Variants in ARSH observed in about 807,000 individuals in gnomAD.
ARSH encodes the protein arylsulfatase H.
ARSH carries 32 observed loss-of-function variants against 28.7 expected under a neutral mutation model. The ratio of observed to expected loss-of-function variants is 1.11; its 90% CI spans 0.84 to 1.50. The LOEUF (loss-of-function observed/expected upper bound fraction) is 1.50. Ranked by LOEUF, ARSH falls within the 40% of genes most tolerant of loss-of-function variation. The probability of loss-of-function intolerance (pLI) is 0.00; values close to 1 mark genes in which losing one functional copy is unlikely to be tolerated. For missense variants in ARSH, 440 were observed against 452.4 expected (o/e 0.97, Z 0.25); for synonymous variants, 176 against 177.3 (o/e 0.99, Z 0.06).
At chrX:3,020,469 G>A (rs1161429973) in intron 5 of ARSH, among the ~76,000 whole-genome samples, 3 of 104,123 alleles carry the variant, frequency 2.9e-5, no homozygotes, top group African/African-American at 7.0e-5. Flanking sequence ...GGCGCCTGTA[G>A]TCCCAGCTAC....
Position 3,033,773 on chromosome X carries a change from CATG to C in ARSH, c.*391_*393del, listed in dbSNP as rs2089921760. ...CAGGCATGCTAGCTTTCTAATAAATCATGATAAGTACTTAATTTTTTCATGAAG... is the reference window on the plus strand; with the variant it reads ...CAGGCATGCTAGCTTTCTAATAAATCATAAGTACTTAATTTTTTCATGAAG... On this transcript the variant is annotated 3_prime_UTR_variant, in exon 9 of 9. Coordinates refer to ENST00000381130, the MANE Select transcript of ARSH (RefSeq NM_001011719.2). 9.0e-6 allele frequency among the ~76,000 whole-genome samples: 1 copy of C among 111,182 alleles called. No individual in the cohort carries two copies. Among genetic ancestry groups the C allele is most frequent in the Non-Finnish European group, 1.9e-5 (1 of 53,126 alleles).
intron 1 of ARSH, among the ~76,000 whole-genome samples, chrX:3,009,456 G>A (rs2089840207): frequency 9.0e-6 from 1 of 110,595 alleles, no homozygotes; most frequent in Non-Finnish European, 1.9e-5. Flanking sequence ...GGGTAATAGA[G>A]TGAGACCACG....
chrX:3,011,116 G>A (rs1186822895), intron 2 of ARSH, among the ~76,000 whole-genome samples: 1 of 110,719 alleles, frequency 9.0e-6, no homozygotes, highest in Non-Finnish European at 1.9e-5. Flanking sequence ...AAATAGTTTG[G>A]TTTCTAGATA....
chrX:3,033,316 G>T lies in ARSH; in HGVS notation c.1620G>T (p.Gln540His), dbSNP rs2089920122. The T allele has an allele frequency of 4.1e-6, 5 of 1,210,100 alleles. No homozygotes were observed. The highest frequency in any genetic ancestry group is 5.6e-6 in the Non-Finnish European group (5 of 894,653). Residue 540 changes from glutamine to histidine, a missense_variant, in exon 9 of 9, where the codon CAG becomes CAT. Transcript: ENST00000381130. ...ACACAATTTGGAAACCATGGCTGCA[G>T]CCTTGCTGTGGGACCTTCCCCTTCT... ...VFNTIWKPWL[Q>H]PCCGTFPFCG... is the part of the protein sequence containing the mutation.
intron 2 of ARSH, 59 bp from the exon 3 acceptor site, chrX:3,012,988 G>A: frequency 8.6e-7 from 1 of 1,158,200 alleles, no homozygotes. Flanking sequence ...AAGCATGTCG[G>A]GATAAATTCG....
At chrX:3,030,148 G>A (rs1446508331) in intron 8 of ARSH, among the ~76,000 whole-genome samples, 1 of 111,430 alleles carries the variant, frequency 9.0e-6, no homozygotes, top group Non-Finnish European at 1.9e-5. Flanking sequence ...ACGGTGGGAA[G>A]CACCAGGGCT....
intron 2 of ARSH, among the ~76,000 whole-genome samples, chrX:3,011,455 G>A (rs1408973942): frequency 1.8e-5 from 2 of 110,758 alleles, no homozygotes; most frequent in Non-Finnish European, 3.8e-5. Context: ...CACCATGTTG[G>A]CCAGGCTGGT....
intron 5 of ARSH, among the ~76,000 whole-genome samples, chrX:3,023,140 T>C (rs1039169233): frequency 3.8e-5 from 4 of 104,643 alleles, no homozygotes; most frequent in Admixed American, 3.2e-4. Context: ...TTAATATAAT[T>C]AATGTATCTA....
Position 3,015,188 on chromosome X carries a change from G to A in ARSH, c.559G>A (p.Ala187Thr). The change falls in exon 4 of 9, where the codon GCC becomes ACC. Residue 187 changes from alanine to threonine, a missense_variant. Physicochemically the swap from Ala to Thr is moderately conservative, Grantham distance 58. Coordinates refer to ENST00000381130, the MANE Select transcript of ARSH (RefSeq NM_001011719.2). ...TTTTCTGCTTCTCATTCCCAAGTTC[G>A]CCCGCTGGTTCTCAGTGCCATGGAA... ...VPFLLLIPKF[A>T]RWFSVPWKVI... 4 of 1,209,331 alleles carry A rather than the reference G, an allele frequency of 3.3e-6. No individual in the cohort carries two copies. The highest frequency in any genetic ancestry group is 1.8e-5 in the South Asian group (1 of 56,518).
At chrX:3,011,145 C>T (rs1464497382) in intron 2 of ARSH, among the ~76,000 whole-genome samples, 1 of 110,828 alleles carries the variant, frequency 9.0e-6, no homozygotes, top group Non-Finnish European at 1.9e-5. Context: ...CTATATAACA[C>T]AGTACCGTGT....
At position 3,027,348 on chromosome X, in the gene ARSH, C is replaced by T. The variant is rs146832237; in HGVS notation, c.1072C>T (p.Arg358Cys). ...AATGGGAGGATGGGAAGGAGGTATC[C>T]GTGTGCCAGGGATATTCCGGTGGCC... ...KGMGGWEGGI[R>C]VPGIFRWPSV... Residue 358 changes from arginine (R) to cysteine (C), a missense_variant, in exon 7 of 9, where the codon CGT (arginine) becomes TGT (cysteine). Coordinates refer to ENST00000381130, the MANE Select transcript of ARSH (RefSeq NM_001011719.2). 4,016 of 1,209,331 alleles carry T rather than the reference C, an allele frequency of 3.3e-3. 6 individuals are homozygous for T. Among genetic ancestry groups the T allele is most frequent in the Non-Finnish European group, 3.6e-3 (3,251 of 895,037 alleles).
intron 5 of ARSH, among the ~76,000 whole-genome samples, chrX:3,021,731 C>G (rs2089884754): frequency 1.1e-5 from 1 of 92,693 alleles, no homozygotes; most frequent in Non-Finnish European, 2.1e-5. Flanking sequence ...TTTTAAGACA[C>G]AGGGTCTCAC....
In ARSH at chrX:3,006,625, G is replaced by A. The variant is rs1481449790; in HGVS notation, c.13G>A (p.Ala5Thr). The A allele has an allele frequency of 8.3e-7, 1 of 1,208,839 alleles. No individual in the cohort carries two copies. The highest frequency in any genetic ancestry group is 1.1e-6 in the Non-Finnish European group (1 of 894,662). Residue 5 changes from alanine (A) to threonine (T), a missense_variant, in exon 1 of 9, where the codon GCC becomes ACC. Coordinates refer to ENST00000381130, the MANE Select transcript of ARSH (RefSeq NM_001011719.2). MTRN[A>T]RPNIVLLMAD... ...TGATGGCACATTTATGACAAGAAAC[G>A]CCAGACCCAACATTGTCCTGCTGAT...
intron 4 of ARSH, among the ~76,000 whole-genome samples, chrX:3,018,026 G>T (rs2089870638): frequency 2.7e-5 from 3 of 112,351 alleles, no homozygotes; most frequent in Admixed American, 1.9e-4. Context: ...TTAAGACAGG[G>T]TCTCACTGCG....
In ARSH at chrX:3,021,639, G is replaced by A. The variant is rs144548762; in HGVS notation, c.902-2382G>A. 6.2e-3 allele frequency among the ~76,000 whole-genome samples: 686 copies of A among 109,887 alleles called. 6 individuals are homozygous for A. Among genetic ancestry groups the A allele is most frequent in the African/African-American group, 0.022 (654 of 30,264 alleles). ...TGCAAAATGAACTTAATGAATCTTC[G>A]GGAATTCAGTAACATTTTAAACTTT... On this transcript the variant is annotated intron_variant, in intron 5 of 8. Coordinates refer to ENST00000381130, the MANE Select transcript of ARSH (RefSeq NM_001011719.2).
chrX:3,013,119 A>T lies in ARSH; in HGVS notation c.287A>T (p.Glu96Val). 3 of 1,211,262 alleles carry T rather than the reference A, an allele frequency of 2.5e-6. No individual in the cohort carries two copies. The highest frequency in any genetic ancestry group is 3.4e-6 in the Non-Finnish European group (3 of 895,283). The change falls in exon 3 of 9, where the codon GAA becomes GTA. Residue 96 changes from glutamate to valine, a missense_variant. Coordinates refer to ENST00000381130, the MANE Select transcript of ARSH (RefSeq NM_001011719.2). Reference sequence around the variant, plus strand: ...GGGTCAGGTGGTCTTCCCACCAATGAAACGACTTTTGCCAAGCTGCTGCAG... The same window carrying T: ...GGGTCAGGTGGTCTTCCCACCAATGTAACGACTTTTGCCAAGCTGCTGCAG... ...LGGSGGLPTN[E>V]TTFAKLLQHR...
At chrX:3,020,583 A>C (rs1417503218) in intron 5 of ARSH, among the ~76,000 whole-genome samples, 11 of 54,290 alleles carry the variant, frequency 2.0e-4, no homozygotes, top group South Asian at 1.8e-3. Context: ...AGCCAGACTC[A>C]GTCTCAAAAA....
intron 2 of ARSH, among the ~76,000 whole-genome samples, chrX:3,011,256 T>C (rs1288933028): frequency 1.9e-5 from 2 of 103,892 alleles, no homozygotes; most frequent in Non-Finnish European, 3.9e-5. Flanking sequence ...TTCTTTCTTT[T>C]TTTTTTTTTT....
chrX:3,025,224 C>T (rs1603463546), intron 6 of ARSH, among the ~76,000 whole-genome samples: 1 of 106,889 alleles, frequency 9.4e-6, no homozygotes, highest in South Asian at 3.9e-4. Context: ...ATATATAATA[C>T]ATGTAATTTT....
Sources: allele counts gnomAD v4.1 joint callset (sites outside exome capture counted in the v4.1 genomes callset), GRCh38; gene constraint gnomAD v4.1.1; transcripts MANE v1.5; gene names NCBI Gene and HGNC (gene_info 2026-07-23, HGNC 2026-07-21).